XIRP2: variants seen among roughly 807,000 people sequenced by gnomAD.
The protein encoded by XIRP2 is xin actin binding repeat containing 2.
Under a neutral mutation model 277.0 loss-of-function variants are expected in XIRP2, and 236 were observed. The ratio of observed to expected loss-of-function variants is 0.85; its 90% confidence interval spans 0.77 to 0.95. The LOEUF (loss-of-function observed/expected upper bound fraction) is 0.95, where lower values mean the gene tolerates loss of function less well. Among genes scored for constraint, XIRP2 ranks in the 40% least tolerant of loss-of-function variants. XIRP2 has a pLI of 0.00. For synonymous variants in XIRP2, 1,490 were observed against 1,416.5 expected (o/e 1.05, Z -1.17); for missense variants, 4,640 against 4,157.5 (o/e 1.12, Z -3.19).
intron 2 of XIRP2, among the ~76,000 whole-genome samples, chr2:166,921,090 GTCTT>G: frequency 6.6e-6 from 1 of 151,968 alleles, no homozygotes; most frequent in Non-Finnish European, 1.5e-5. Context: ...ATCTCTGAAT[GTCTT>G]TCTTTGGGCT....
rs1253736757 is a variant in XIRP2 at position 167,210,808 on chromosome 2, C to T, written c.636C>T (p.Asp212=). The stretch of plus-strand genomic sequence containing the variant: ...CTGCTCGGGGCGAGGGTGTGTCAGA[C>T]CTCCACGAAGTGGTCTCCCTGAAGG... The part of the protein sequence containing the change: ...DSAARGEGVS[D]LHEVVSLKER... Residue 212 remains aspartate (D), a synonymous_variant, in exon 4 of 11, where the codon GAC becomes GAT. Transcript: ENST00000409195. The T allele has an allele frequency of 1.2e-6, 2 of 1,614,180 alleles. No individual in the cohort carries two copies. Among genetic ancestry groups the T allele is most frequent in the East Asian group, 2.2e-5 (1 of 44,862 alleles).
In XIRP2 at chr2:166,915,316, A is replaced by G. The variant is rs868730062; in HGVS notation, c.408+11426A>G. ...CTCCGTCTCAAAAAAAAAAAAAAAA[A>G]AAAAAAGAAAAAGAAATATTATAAA... On this transcript the variant is annotated intron_variant, in intron 2 of 10. Transcript: ENST00000409195. 2.5e-3 allele frequency among the ~76,000 whole-genome samples: 371 copies of G among 151,198 alleles called. 4 individuals are homozygous for G. Among genetic ancestry groups the G allele is most frequent in the African/African-American group, 8.2e-3 (341 of 41,388 alleles).
At chr2:167,016,053 T>A (rs1687819953) in intron 2 of XIRP2, among the ~76,000 whole-genome samples, 1 of 151,764 alleles carries the variant, frequency 6.6e-6, no homozygotes, top group Non-Finnish European at 1.5e-5. Context: ...ATTCTCCCCT[T>A]CCAAGCCTCC....
chr2:167,017,067 G>A (rs1687846489), intron 2 of XIRP2, among the ~76,000 whole-genome samples: 1 of 151,836 alleles, frequency 6.6e-6, no homozygotes, highest in Non-Finnish European at 1.5e-5. Flanking sequence ...AGCTGCCATA[G>A]TTCACGCCTT....
chr2:167,013,335 GA>G (rs900378694), intron 2 of XIRP2, among the ~76,000 whole-genome samples: 1 of 151,036 alleles, frequency 6.6e-6, no homozygotes, highest in Non-Finnish European at 1.5e-5. Flanking sequence ...GAGCACATAG[GA>G]AAAAAACAAT....
At position 167,083,084 on chromosome 2, in the gene XIRP2, C is replaced by T. The variant is rs547600362; in HGVS notation, c.409-52825C>T. ...GGGTTTTTTATGGTTTTAGGTCTAACATTTAAGTCTTTAATCCATCTTGAA... is the reference window on the plus strand; with the variant it reads ...GGGTTTTTTATGGTTTTAGGTCTAATATTTAAGTCTTTAATCCATCTTGAA... On this transcript the variant is annotated intron_variant, in intron 2 of 10. Transcript: ENST00000409195. Among the ~76,000 whole-genome samples the T allele has an allele frequency of 2.2e-3, 334 of 152,268 alleles. 1 individual carries two copies. Among genetic ancestry groups the T allele is most frequent in the African/African-American group, 7.7e-3 (320 of 41,558 alleles).
chr2:167,190,799 T>C (rs537114170), intron 3 of XIRP2, among the ~76,000 whole-genome samples: 4 of 152,272 alleles, frequency 2.6e-5, no homozygotes, highest in Non-Finnish European at 1.5e-5. Flanking sequence ...TTAATGACTC[T>C]TGGGGCTTTG....
chr2:166,942,344 T>C (rs949831005), intron 2 of XIRP2, among the ~76,000 whole-genome samples: 7 of 152,224 alleles, frequency 4.6e-5, no homozygotes, highest in African/African-American at 1.7e-4. Flanking sequence ...GTCTTAATTT[T>C]GTGTAGCCCA....
At chr2:167,168,290 CG>C (rs1197601275) in intron 3 of XIRP2, among the ~76,000 whole-genome samples, 2 of 152,040 alleles carry the variant, frequency 1.3e-5, no homozygotes, top group Non-Finnish European at 2.9e-5. Flanking sequence ...CATTACTTTG[CG>C]GGAAACTCTC....
At chr2:166,937,052 A>G (rs1685539130) in intron 2 of XIRP2, among the ~76,000 whole-genome samples, 1 of 152,118 alleles carries the variant, frequency 6.6e-6, no homozygotes, top group South Asian at 2.1e-4. Context: ...TGAGCATGGA[A>G]TGTTCTTCCA....
chr2:167,054,590 A>G (rs1410987215), intron 2 of XIRP2, among the ~76,000 whole-genome samples: 1 of 151,828 alleles, frequency 6.6e-6, no homozygotes, highest in East Asian at 1.9e-4. Context: ...AGCCTGAGGC[A>G]GGAGAATCAT....
At chr2:167,174,464 C>T (rs1175422554) in intron 3 of XIRP2, among the ~76,000 whole-genome samples, 1 of 151,964 alleles carries the variant, frequency 6.6e-6, no homozygotes, top group East Asian at 1.9e-4. Flanking sequence ...GGTGAGCTCC[C>T]CTTTATTGTT....
intron 2 of XIRP2, among the ~76,000 whole-genome samples, chr2:167,012,103 T>C (rs532043498): frequency 2.9e-4 from 44 of 151,722 alleles, no homozygotes; most frequent in Admixed American, 2.0e-4. Context: ...CTTCTGCTAG[T>C]TTTTGAATGT....
At chr2:167,086,350 A>T (rs537141943) in intron 2 of XIRP2, among the ~76,000 whole-genome samples, 1 of 152,082 alleles carries the variant, frequency 6.6e-6, no homozygotes, top group Non-Finnish European at 1.5e-5. Context: ...GGGTAACCCA[A>T]CCTTTCTCTC....
intron 2 of XIRP2, among the ~76,000 whole-genome samples, chr2:167,026,779 G>A (rs1035552685): frequency 5.9e-5 from 9 of 152,008 alleles, no homozygotes; most frequent in Admixed American, 5.2e-4. Flanking sequence ...GTTGAATGTT[G>A]GCCCCCACTC....
chr2:167,017,367 T>C (rs775556022), intron 2 of XIRP2, among the ~76,000 whole-genome samples: 1 of 151,996 alleles, frequency 6.6e-6, no homozygotes, highest in Admixed American at 6.6e-5. Flanking sequence ...AAGGTCCAAG[T>C]AGATCACATG....
chr2:166,980,086 C>T (rs989643754), intron 2 of XIRP2, among the ~76,000 whole-genome samples: 5 of 152,028 alleles, frequency 3.3e-5, no homozygotes, highest in Admixed American at 2.6e-4. Context: ...CAATTTGTGT[C>T]TTTCAAGAAA....
At chr2:167,193,891 A>AG (rs1693422920) in intron 3 of XIRP2, among the ~76,000 whole-genome samples, 1 of 151,636 alleles carries the variant, frequency 6.6e-6, no homozygotes, top group African/African-American at 2.4e-5. Flanking sequence ...AAAAAAAAAA[A>AG]AAAAAAAAAT....
rs1405950148 is a variant in XIRP2, at chr2:167,243,064, A to T, written c.1672A>T (p.Asn558Tyr). 6.2e-7 allele frequency: 1 copy of T among 1,614,010 alleles called. No homozygotes were observed. Among genetic ancestry groups the T allele is most frequent in the Admixed American group, 1.7e-5 (1 of 59,998 alleles). ...NTNDSSQKDL[N>Y]SEREYLEWDE... ...AAATGACAGTTCTCAAAAAGATCTG[A>T]ACTCAGAAAGAGAATACTTGGAATG... The change falls in exon 9 of 11, where the codon AAC becomes TAC. Residue 558 changes from asparagine to tyrosine, a missense_variant. By Grantham distance (143) the Asn-to-Tyr change is moderately radical. Coordinates refer to ENST00000409195, the MANE Select transcript of XIRP2 (RefSeq NM_152381.6).
Sources: allele counts gnomAD v4.1 joint callset (sites outside exome capture counted in the v4.1 genomes callset), GRCh38; gene constraint gnomAD v4.1.1; transcripts MANE v1.5; gene names NCBI Gene and HGNC (gene_info 2026-07-23, HGNC 2026-07-21).